The following RIMS2 variants were observed in gnomAD, a reference collection of about 807,000 sequenced individuals.
RIMS2 encodes the protein regulating synaptic membrane exocytosis protein 2.
RIMS2 carries 59 observed loss-of-function variants against 174.4 expected under a neutral mutation model. The observed-to-expected ratio is 0.34, with a 90% CI of 0.27 to 0.42. RIMS2 has a LOEUF of 0.42. Among genes scored for constraint, RIMS2 ranks in the 10% least tolerant of loss-of-function variants. RIMS2 has a pLI of 1.00. For missense variants in RIMS2, 1,620 were observed against 1,666.3 expected (o/e 0.97, Z 0.48); for synonymous variants, 606 against 572.5 (o/e 1.06, Z -0.84).
intron 1 of RIMS2, among the ~76,000 whole-genome samples, chr8:103,521,526 C>T (rs1215864135): frequency 6.6e-6 from 1 of 152,016 alleles, no homozygotes; most frequent in Non-Finnish European, 1.5e-5. Context: ...CAGCCATCTA[C>T]CTCAGCATCT....
At chr8:104,218,140 G>C (rs2441918) in intron 19 of RIMS2, among the ~76,000 whole-genome samples, 49,034 of 152,050 alleles carry the variant, frequency 0.32, 8,093 homozygotes, top group African/African-American at 0.39. Flanking sequence ...GAGGTTAGTT[G>C]AGTCTGCAGC....
chr8:103,586,803 G>T (rs750410922), intron 1 of RIMS2, among the ~76,000 whole-genome samples: 2 of 151,800 alleles, frequency 1.3e-5, no homozygotes, highest in Non-Finnish European at 2.9e-5. Context: ...ACAAAAATTG[G>T]CTTTTTGAAT....
At chr8:104,053,849 C>T (rs746758615) in intron 19 of RIMS2, among the ~76,000 whole-genome samples, 28 of 151,868 alleles carry the variant, frequency 1.8e-4, no homozygotes, top group Non-Finnish European at 3.1e-4. Context: ...ACTTTAAAGC[C>T]GAGAAGGCCA....
intron 19 of RIMS2, among the ~76,000 whole-genome samples, chr8:104,084,173 G>A (rs1163178440): frequency 6.6e-6 from 1 of 152,118 alleles, no homozygotes. Context: ...AGGCATGGTG[G>A]CTCATGCCTG....
chr8:104,198,379 C>G (rs1405284384), intron 19 of RIMS2, among the ~76,000 whole-genome samples: 5 of 152,152 alleles, frequency 3.3e-5, no homozygotes, highest in Admixed American at 3.3e-4. Flanking sequence ...CTCACAAAGT[C>G]TAGTTTTCAA....
intron 3 of RIMS2, among the ~76,000 whole-genome samples, chr8:103,785,481 G>C (rs571061529): frequency 1.1e-4 from 17 of 151,988 alleles, no homozygotes; most frequent in South Asian, 2.1e-4. Flanking sequence ...TAGCATGAAG[G>C]GTTGTTGAAT....
At chr8:103,875,988 T>A (rs2099134686) in intron 3 of RIMS2, among the ~76,000 whole-genome samples, 1 of 152,036 alleles carries the variant, frequency 6.6e-6, no homozygotes, top group Admixed American at 6.6e-5. Context: ...TTTGACTTCC[T>A]TGTACAATCT....
At chr8:104,169,341 A>T (rs7459553) in intron 19 of RIMS2, among the ~76,000 whole-genome samples, 1,617 of 33,424 alleles carry the variant, frequency 0.048, 8 homozygotes, top group Middle Eastern at 0.086. Flanking sequence ...TATATATATA[A>T]AACAGATTCA....
In RIMS2 at chr8:103,581,544, G is replaced by A. The variant is rs192275458; in HGVS notation, c.176+80482G>A. 1.6e-3 allele frequency among the ~76,000 whole-genome samples: 244 copies of A among 152,166 alleles called. 2 individuals carry two copies. The highest frequency in any genetic ancestry group is 5.2e-3 in the African/African-American group (217 of 41,516). On this transcript the variant is annotated intron_variant, in intron 1 of 23. Coordinates refer to ENST00000504942, the Ensembl canonical transcript of RIMS2. ...TACTGAATGGAGAAAAATTGAAAGCGGTTTATTTAAGATGCGGAACAAGAC... is the reference window on the plus strand; with the variant it reads ...TACTGAATGGAGAAAAATTGAAAGCAGTTTATTTAAGATGCGGAACAAGAC...
At chr8:103,501,816 T>C (rs1820191307) in intron 1 of RIMS2, 2 of 152,276 alleles carry the variant, frequency 1.3e-5, no homozygotes, top group Non-Finnish European at 2.9e-5. Context: ...TCTACTATTC[T>C]TGCTCACGGT....
At chr8:104,148,819 G>C in intron 19 of RIMS2, 1 of 1,598,414 alleles carries the variant, frequency 6.3e-7, no homozygotes, top group Non-Finnish European at 8.5e-7. Context: ...TCACGGAAAA[G>C]TCGCAGTGCT....
chr8:104,118,451 C>CAAG (rs1304659928), intron 19 of RIMS2, among the ~76,000 whole-genome samples: 3 of 150,320 alleles, frequency 2.0e-5, no homozygotes, highest in African/African-American at 7.4e-5. Context: ...ACTGCAGCCT[C>CAAG]CATCTCCCAG....
chr8:103,922,913 C>G (rs570401425), intron 10 of RIMS2, among the ~76,000 whole-genome samples: 2 of 151,752 alleles, frequency 1.3e-5, no homozygotes, highest in Non-Finnish European at 2.9e-5. Flanking sequence ...GTGACAATAA[C>G]AGAAAAGTTA....
intron 2 of RIMS2, among the ~76,000 whole-genome samples, chr8:103,708,081 A>T (rs2137799551): frequency 6.6e-6 from 1 of 152,314 alleles, no homozygotes; most frequent in East Asian, 1.9e-4. Flanking sequence ...AATGGATACC[A>T]CCAGAAGGTT....
chr8:103,609,127 T>C (rs1363544746), intron 1 of RIMS2, among the ~76,000 whole-genome samples: 1 of 152,238 alleles, frequency 6.6e-6, no homozygotes, highest in African/African-American at 2.4e-5. Flanking sequence ...CATTTTTTCA[T>C]ATGCTTGTTG....
intron 1 of RIMS2, among the ~76,000 whole-genome samples, chr8:103,628,021 A>G (rs1327912535): frequency 1.3e-5 from 2 of 152,212 alleles, no homozygotes; most frequent in African/African-American, 2.4e-5. Context: ...CATGCTATCT[A>G]GACCTCAGAC....
intron 14 of RIMS2, among the ~76,000 whole-genome samples, chr8:103,948,462 T>C (rs1222590089): frequency 1.3e-5 from 2 of 152,178 alleles, no homozygotes; most frequent in African/African-American, 2.4e-5. Flanking sequence ...TAAAATGTGG[T>C]ATATCCTCAC....
intron 1 of RIMS2, among the ~76,000 whole-genome samples, chr8:103,547,425 A>T (rs1422689644): frequency 6.6e-6 from 1 of 152,236 alleles, no homozygotes; most frequent in East Asian, 1.9e-4. Flanking sequence ...CTAAACAATG[A>T]AATTAAGGCA....
intron 1 of RIMS2, among the ~76,000 whole-genome samples, chr8:103,529,099 G>T (rs1586859265): frequency 6.6e-6 from 1 of 152,130 alleles, no homozygotes; most frequent in Non-Finnish European, 1.5e-5. Context: ...CCTTGAAGAG[G>T]TCCTTCACGT....
Sources: allele counts gnomAD v4.1 joint callset (sites outside exome capture counted in the v4.1 genomes callset), GRCh38; gene constraint gnomAD v4.1.1; transcripts MANE v1.5; gene names NCBI Gene and HGNC (gene_info 2026-07-23, HGNC 2026-07-21).